Variants in MCC observed in about 807,000 individuals in gnomAD.
MCC encodes MCC regulator of Wnt signaling pathway.
MCC carries 90 observed loss-of-function variants against 116.2 expected under a neutral mutation model. The ratio of observed to expected loss-of-function variants is 0.77; its 90% CI spans 0.65 to 0.92. The LOEUF is 0.92. Ranked by LOEUF, MCC falls within the 40% of genes least tolerant of loss-of-function variation. The probability of loss-of-function intolerance (pLI) is 0.00; values close to 1 mark genes in which losing one functional copy is unlikely to be tolerated. For synonymous variants in MCC, 578 were observed against 510.5 expected (o/e 1.13, Z -1.78); for missense variants, 1,516 against 1,312.2 (o/e 1.16, Z -2.40).
intron 3 of MCC, among the ~76,000 whole-genome samples, chr5:113,269,444 T>C (rs574119350): frequency 6.6e-6 from 1 of 152,338 alleles, no homozygotes; most frequent in African/African-American, 2.4e-5. Context: ...GTGGGTTTTA[T>C]CTCCCCCAAG....
intron 2 of MCC, among the ~76,000 whole-genome samples, chr5:113,357,807 T>C (rs1768451120): frequency 6.6e-6 from 1 of 152,144 alleles, no homozygotes; most frequent in Non-Finnish European, 1.5e-5. Context: ...AGCATGTGGA[T>C]AGCCCAACCA....
intron 1 of MCC, among the ~76,000 whole-genome samples, chr5:113,449,689 ACTG>A (rs1345344308): frequency 1.3e-5 from 2 of 152,178 alleles, no homozygotes; most frequent in Non-Finnish European, 2.9e-5. Context: ...CAGAGGTAAA[ACTG>A]CCCATGTGTT....
At chr5:113,423,496 T>C (rs1015819125) in intron 1 of MCC, among the ~76,000 whole-genome samples, 2 of 152,190 alleles carry the variant, frequency 1.3e-5, no homozygotes, top group African/African-American at 4.8e-5. Context: ...GCTGCAACTT[T>C]CTAGAACATA....
At chr5:113,086,041 A>T (rs2150245156) in intron 8 of MCC, among the ~76,000 whole-genome samples, 1 of 152,308 alleles carries the variant, frequency 6.6e-6, no homozygotes, top group South Asian at 2.1e-4. Context: ...CACTTGCCTG[A>T]CTGTGCTGGG....
intron 8 of MCC, among the ~76,000 whole-genome samples, chr5:113,099,606 CAG>C (rs1756268922): frequency 6.6e-6 from 1 of 152,168 alleles, no homozygotes; most frequent in African/African-American, 2.4e-5. Context: ...AACTGAGGCA[CAG>C]AGAGGTTAGG....
At chr5:113,367,163 T>C (rs1313031559) in intron 2 of MCC, among the ~76,000 whole-genome samples, 2 of 152,078 alleles carry the variant, frequency 1.3e-5, no homozygotes, top group Non-Finnish European at 2.9e-5. Context: ...ATCATGTTAA[T>C]TGATATGGAA....
chr5:113,404,081 A>G (rs1769763457), intron 1 of MCC, among the ~76,000 whole-genome samples: 1 of 151,968 alleles, frequency 6.6e-6, no homozygotes, highest in Admixed American at 6.6e-5. Context: ...TGGCCAGGCT[A>G]GTCTTGAACT....
At chr5:113,481,394 C>G (rs536730924) in intron 1 of MCC, among the ~76,000 whole-genome samples, 119 of 152,196 alleles carry the variant, frequency 7.8e-4, no homozygotes, top group African/African-American at 2.7e-3. Context: ...AAATAGTCAA[C>G]AACAGAACAA....
chr5:113,103,416 G>T (rs1756549247), intron 7 of MCC, among the ~76,000 whole-genome samples: 2 of 152,126 alleles, frequency 1.3e-5, no homozygotes, highest in Non-Finnish European at 2.9e-5. Context: ...TCAAATATAG[G>T]GCCCAGGAGA....
chr5:113,373,134 G>A (rs1345777696), intron 2 of MCC, among the ~76,000 whole-genome samples: 2 of 151,414 alleles, frequency 1.3e-5, no homozygotes, highest in African/African-American at 4.9e-5. Flanking sequence ...AGCCGAGATC[G>A]CGCCACTGCA....
intron 2 of MCC, among the ~76,000 whole-genome samples, chr5:113,380,695 G>A (rs1769095729): frequency 6.6e-6 from 1 of 152,222 alleles, no homozygotes; most frequent in Non-Finnish European, 1.5e-5. Flanking sequence ...TCAGATAAGG[G>A]TGAGTGGTAT....
chr5:113,075,597 C>T (rs1348103832), intron 11 of MCC, among the ~76,000 whole-genome samples: 2 of 152,174 alleles, frequency 1.3e-5, no homozygotes, highest in African/African-American at 4.8e-5. Flanking sequence ...TGTAAATGCA[C>T]CAGTCAGCAC....
At chr5:113,479,835 T>C (rs1003301256) in intron 1 of MCC, among the ~76,000 whole-genome samples, 6 of 152,196 alleles carry the variant, frequency 3.9e-5, no homozygotes, top group Non-Finnish European at 8.8e-5. Context: ...TTCAGTGCTA[T>C]TCAGTTTCTT....
At chr5:113,261,365 T>C (rs1289340804) in intron 3 of MCC, among the ~76,000 whole-genome samples, 2 of 152,316 alleles carry the variant, frequency 1.3e-5, no homozygotes, top group Non-Finnish European at 2.9e-5. Flanking sequence ...TATCCCATCA[T>C]AAATCTGTAA....
chr5:113,274,547 G>A (rs553405584), intron 3 of MCC, among the ~76,000 whole-genome samples: 2 of 152,272 alleles, frequency 1.3e-5, no homozygotes, highest in South Asian at 4.1e-4. Context: ...TTTTAGTGGA[G>A]ATGGGGTTTC....
At chr5:113,294,625 C>CGCAGCTGCG in intron 3 of MCC, 1 of 1,147,238 alleles carries the variant, frequency 8.7e-7, no homozygotes, top group Non-Finnish European at 1.1e-6. Context: ...GCGGCGCGCT[C>CGCAGCTGCG]GCAGCTGCGG....
At chr5:113,151,020 G>T (rs1198290619) in intron 4 of MCC, among the ~76,000 whole-genome samples, 1 of 152,306 alleles carries the variant, frequency 6.6e-6, no homozygotes, top group Middle Eastern at 3.4e-3. Context: ...CTCCAGCTTG[G>T]GTGACAGAGC....
intron 1 of MCC, among the ~76,000 whole-genome samples, chr5:113,393,360 A>AT (rs1192620711): frequency 6.6e-6 from 1 of 152,218 alleles, no homozygotes; most frequent in Non-Finnish European, 1.5e-5. Flanking sequence ...GTCTGAGGCT[A>AT]TAGTTGGAGG....
intron 3 of MCC, among the ~76,000 whole-genome samples, chr5:113,219,444 T>C (rs1763457625): frequency 6.6e-6 from 1 of 152,252 alleles, no homozygotes; most frequent in African/African-American, 2.4e-5. Context: ...CACAAATGTA[T>C]CTAAAAAGCT....
Sources: gnomAD v4.1 joint callset for allele counts (sites outside exome capture counted in the v4.1 genomes callset) on GRCh38, gnomAD v4.1.1 for gene constraint, MANE v1.5 for transcripts, NCBI Gene and HGNC (gene_info 2026-07-23, HGNC 2026-07-21) for gene names.